LRRN2: variants seen among roughly 807,000 people sequenced by gnomAD.
LRRN2 encodes leucine-rich repeat neuronal protein 2.
LRRN2 carries 10 observed loss-of-function variants against 35.7 expected under a neutral mutation model. The ratio of observed to expected loss-of-function variants is 0.28; its 90% CI spans 0.17 to 0.47. The LOEUF is 0.47. LRRN2 is among the 20% of genes least tolerant of loss of function. LRRN2 has a pLI of 0.99. For missense variants in LRRN2, 731 were observed against 940.3 expected (o/e 0.78, Z 2.91); for synonymous variants, 391 against 409.6 (o/e 0.95, Z 0.55).
intron 1 of LRRN2, among the ~76,000 whole-genome samples, chr1:204,631,757 C>A (rs2102593989): frequency 6.6e-6 from 1 of 152,102 alleles, no homozygotes; most frequent in East Asian, 1.9e-4. Flanking sequence ...AGATAGGAGA[C>A]ACTAGGAGCA....
chr1:204,626,524 G>T (rs753766298), intron 1 of LRRN2, among the ~76,000 whole-genome samples: 3 of 151,798 alleles, frequency 2.0e-5, no homozygotes, highest in African/African-American at 4.8e-5. Context: ...CATCCCAAAT[G>T]CCACCTCCCC....
At chr1:204,681,769 C>G (rs887270732) in intron 1 of LRRN2, among the ~76,000 whole-genome samples, 2 of 152,222 alleles carry the variant, frequency 1.3e-5, no homozygotes, top group African/African-American at 4.8e-5. Context: ...AGGCCCCGCA[C>G]TGGAAAGTAA....
At chr1:204,661,392 CGT>C (rs1484802855) in intron 1 of LRRN2, among the ~76,000 whole-genome samples, 1 of 152,116 alleles carries the variant, frequency 6.6e-6, no homozygotes, top group Non-Finnish European at 1.5e-5. Flanking sequence ...AAGTTGCCCA[CGT>C]GATTTGTTTG....
chr1:204,677,446 G>A (rs1668848971), intron 1 of LRRN2, among the ~76,000 whole-genome samples: 1 of 152,210 alleles, frequency 6.6e-6, no homozygotes, highest in South Asian at 2.1e-4. Flanking sequence ...GATCCAGGGA[G>A]AGGACACACT....
Position 204,618,478 on chromosome 1 carries a change from A to G in LRRN2, c.1515T>C (p.Ala505=), listed in dbSNP as rs151126690. 6 of 1,614,182 alleles carry G rather than the reference A, an allele frequency of 3.7e-6. No individual in the cohort carries two copies. The highest frequency in any genetic ancestry group is 4.2e-6 in the Non-Finnish European group (5 of 1,180,000). ...CAACCACACTAACCGTCTTAGTGTCAGCCCCCACCAGGTTCTGGGCCACAC... is the reference window on the plus strand; with the variant it reads ...CAACCACACTAACCGTCTTAGTGTCGGCCCCCACCAGGTTCTGGGCCACAC... ...YTCVAQNLVG[A]DTKTVSVVVG... Residue 505 remains alanine (A), a synonymous_variant, in exon 2 of 2, where the codon GCT becomes GCC. Coordinates refer to ENST00000367177, the MANE Select transcript of LRRN2 (RefSeq NM_201630.2).
At chr1:204,628,378 A>G (rs1571637559) in intron 1 of LRRN2, 1 of 152,340 alleles carries the variant, frequency 6.6e-6, no homozygotes, top group East Asian at 1.9e-4. Context: ...GCGCGGCACC[A>G]GAGTCCTGTA....
chr1:204,645,517 C>T (rs996168651), intron 1 of LRRN2, among the ~76,000 whole-genome samples: 21 of 152,166 alleles, frequency 1.4e-4, no homozygotes, highest in Non-Finnish European at 2.9e-4. Flanking sequence ...GGCACTTTCT[C>T]ATATGTGTGA....
At chr1:204,643,538 A>G (rs149334719) in intron 1 of LRRN2, among the ~76,000 whole-genome samples, 1 of 152,188 alleles carries the variant, frequency 6.6e-6, no homozygotes, top group Non-Finnish European at 1.5e-5. Flanking sequence ...GATTCCACCC[A>G]TTTGAAGAGG....
chr1:204,627,814 ACTGGCTGGCTTGCTGTCTCCCCGAC>A (rs548976701), intron 1 of LRRN2, among the ~76,000 whole-genome samples: 1 of 152,116 alleles, frequency 6.6e-6, no homozygotes, highest in Admixed American at 6.5e-5. Flanking sequence ...TCCATCCTAA[ACTGGCTGGCTTGCTGTCTCCCCGAC>A]CAGACTGTGA....
intron 1 of LRRN2, among the ~76,000 whole-genome samples, chr1:204,667,492 C>CT (rs1403470238): frequency 1.3e-5 from 2 of 151,958 alleles, no homozygotes; most frequent in Non-Finnish European, 2.9e-5. Context: ...CATAGTAAAC[C>CT]TTCAATATAT....
chr1:204,641,527 G>A (rs528601204), intron 1 of LRRN2, among the ~76,000 whole-genome samples: 3 of 152,308 alleles, frequency 2.0e-5, no homozygotes, highest in African/African-American at 7.2e-5. Context: ...CTTATTGAAT[G>A]TTAACTATGT....
chr1:204,679,779 C>T (rs556384927), intron 1 of LRRN2, among the ~76,000 whole-genome samples: 1 of 152,362 alleles, frequency 6.6e-6, no homozygotes, highest in Non-Finnish European at 1.5e-5. Flanking sequence ...TAAGGTCCAG[C>T]TTCTCTGAGG....
intron 1 of LRRN2, among the ~76,000 whole-genome samples, chr1:204,660,529 C>G (rs1379653089): frequency 6.6e-6 from 1 of 151,814 alleles, no homozygotes; most frequent in East Asian, 1.9e-4. Flanking sequence ...CCTCTACTTT[C>G]TCCCTTCTCC....
At chr1:204,636,828 T>C (rs1667846952) in intron 1 of LRRN2, among the ~76,000 whole-genome samples, 1 of 152,170 alleles carries the variant, frequency 6.6e-6, no homozygotes, top group African/African-American at 2.4e-5. Context: ...TAAATCAATC[T>C]CTGAGTAGGG....
chr1:204,638,457 G>GCT, intron 1 of LRRN2, among the ~76,000 whole-genome samples: 1 of 128,442 alleles, frequency 7.8e-6, no homozygotes, highest in South Asian at 2.5e-4. Context: ...TGTCGCCCAG[G>GCT]CTGGAGTGCA....
At chr1:204,620,284 T>G in intron 1 of LRRN2, 66 bp from the exon 2 acceptor site, 1 of 1,163,402 alleles carries the variant, frequency 8.6e-7, no homozygotes, top group East Asian at 3.2e-5. Flanking sequence ...CCTCCCGTGT[T>G]TGTTTGTTTG....
intron 1 of LRRN2, among the ~76,000 whole-genome samples, chr1:204,630,020 C>T (rs1039123576): frequency 5.3e-5 from 8 of 152,116 alleles, no homozygotes; most frequent in South Asian, 2.1e-4. Flanking sequence ...TGACAGGAGC[C>T]GTACTCCAAA....
At chr1:204,667,334 T>C (rs1327954691) in intron 1 of LRRN2, among the ~76,000 whole-genome samples, 1 of 152,240 alleles carries the variant, frequency 6.6e-6, no homozygotes, top group Non-Finnish European at 1.5e-5. Context: ...TGGACTTCCC[T>C]GTAAATTTCT....
intron 1 of LRRN2, among the ~76,000 whole-genome samples, chr1:204,650,204 G>A (rs1571661301): frequency 6.6e-6 from 1 of 152,366 alleles, no homozygotes; most frequent in Middle Eastern, 3.4e-3. Flanking sequence ...GGAGGGGAGG[G>A]AGCAGGAATC....
Sources: allele counts gnomAD v4.1 joint callset (sites outside exome capture counted in the v4.1 genomes callset), GRCh38; gene constraint gnomAD v4.1.1; transcripts MANE v1.5; gene names NCBI Gene and HGNC (gene_info 2026-07-23, HGNC 2026-07-21).